CELF2: variants seen among roughly 807,000 people sequenced by gnomAD.
The protein encoded by CELF2 is CUG triplet repeat RNA-binding protein 2.
In CELF2, 8 loss-of-function variants were observed where a neutral mutation model predicts 62.6. The ratio of observed to expected loss-of-function variants is 0.13; its 90% CI spans 0.07 to 0.23. The LOEUF (loss-of-function observed/expected upper bound fraction) is 0.23. CELF2 is among the 10% of genes least tolerant of loss of function. The probability of loss-of-function intolerance (pLI) is 1.00; values close to 1 mark genes in which losing one functional copy is unlikely to be tolerated. For synonymous variants in CELF2, 258 were observed against 250.0 expected (o/e 1.03, Z -0.30); for missense variants, 333 against 671.0 (o/e 0.50, Z 5.56).
the CELF2 span, among the ~76,000 whole-genome samples, chr10:10,723,112 AT>A: frequency 6.6e-6 from 1 of 152,140 alleles, no homozygotes; most frequent in Non-Finnish European, 1.5e-5. Context: ...AGGAACAAGG[AT>A]TTTTGAACCA....
At chr10:10,545,925 A>G in the CELF2 span, among the ~76,000 whole-genome samples, 1 of 152,284 alleles carries the variant, frequency 6.6e-6, no homozygotes, top group South Asian at 2.1e-4. Flanking sequence ...TAAAAGCACC[A>G]AGACACGTGG....
chr10:11,215,728 G>GT (rs1156583684), intron 2 of CELF2, among the ~76,000 whole-genome samples: 2 of 152,166 alleles, frequency 1.3e-5, no homozygotes, highest in African/African-American at 4.8e-5. Context: ...TGCTAGAAGC[G>GT]TTTAGTAAGG....
At chr10:10,860,280 G>C (rs1342063992) in intron 1 of CELF2, among the ~76,000 whole-genome samples, 2 of 152,144 alleles carry the variant, frequency 1.3e-5, no homozygotes, top group Non-Finnish European at 2.9e-5. Flanking sequence ...TAAAAATGGT[G>C]AATAATGTAA....
At chr10:10,689,439 T>C in the CELF2 span, among the ~76,000 whole-genome samples, 6 of 152,244 alleles carry the variant, frequency 3.9e-5, no homozygotes, top group Admixed American at 2.6e-4. Context: ...CAACATGATA[T>C]TTGGGTGGGG....
chr10:11,020,263 G>A (rs1048147218), intron 1 of CELF2, among the ~76,000 whole-genome samples: 2 of 152,136 alleles, frequency 1.3e-5, no homozygotes, highest in African/African-American at 4.8e-5. Context: ...GTCAGCTGTT[G>A]CTTAATTGAA....
At chr10:10,759,596 A>G in the CELF2 span, among the ~76,000 whole-genome samples, 1 of 151,946 alleles carries the variant, frequency 6.6e-6, no homozygotes, top group Non-Finnish European at 1.5e-5. Context: ...GGTGTGAACT[A>G]CCACGTCTGA....
chr10:11,126,025 T>A (rs1376532656), intron 1 of CELF2, among the ~76,000 whole-genome samples: 1 of 152,210 alleles, frequency 6.6e-6, no homozygotes, highest in Non-Finnish European at 1.5e-5. Context: ...AAGGTCTTTC[T>A]GTTCACTTGA....
intron 2 of CELF2, among the ~76,000 whole-genome samples, chr10:10,998,990 C>T (rs1461866392): frequency 6.6e-6 from 1 of 152,132 alleles, no homozygotes; most frequent in African/African-American, 2.4e-5. Flanking sequence ...ATTTTATTTT[C>T]AACGTACCCA....
the CELF2 span, among the ~76,000 whole-genome samples, chr10:10,580,077 GA>G: frequency 6.6e-6 from 1 of 152,068 alleles, no homozygotes; most frequent in African/African-American, 2.4e-5. Context: ...ATGATGCAAG[GA>G]AAATGTATTT....
At chr10:11,136,930 C>A (rs533510320) in intron 1 of CELF2, among the ~76,000 whole-genome samples, 1 of 152,268 alleles carries the variant, frequency 6.6e-6, no homozygotes, top group African/African-American at 2.4e-5. Flanking sequence ...TTAATATTAT[C>A]CAACCATAAA....
the CELF2 span, among the ~76,000 whole-genome samples, chr10:10,562,829 CG>C: frequency 4.6e-5 from 7 of 151,914 alleles, no homozygotes; most frequent in East Asian, 1.9e-4. Context: ...CCTCCACAGC[CG>C]TATGCTCCGT....
At chr10:10,904,072 C>T (rs192118597) in intron 1 of CELF2, among the ~76,000 whole-genome samples, 9 of 152,298 alleles carry the variant, frequency 5.9e-5, no homozygotes, top group African/African-American at 1.9e-4. Flanking sequence ...CTTCCAGGAC[C>T]GTTGCCATCC....
intron 1 of CELF2, among the ~76,000 whole-genome samples, chr10:10,894,265 G>C (rs1486654226): frequency 6.6e-6 from 1 of 152,168 alleles, no homozygotes; most frequent in Non-Finnish European, 1.5e-5. Context: ...GGATTATAAA[G>C]AGCCAAATAG....
intron 1 of CELF2, among the ~76,000 whole-genome samples, chr10:10,878,601 T>C (rs1363793816): frequency 1.3e-5 from 2 of 152,108 alleles, no homozygotes; most frequent in Non-Finnish European, 2.9e-5. Flanking sequence ...ACAAATACCC[T>C]CCACTTCAGC....
At chr10:11,235,752 T>C (rs746013807) in intron 3 of CELF2, among the ~76,000 whole-genome samples, 1 of 149,590 alleles carries the variant, frequency 6.7e-6, no homozygotes, top group Non-Finnish European at 1.5e-5. Flanking sequence ...TAATAAGAAA[T>C]AGCCCTTAAG....
At chr10:11,266,556 GT>G in intron 5 of CELF2, 41 bp from the exon 6 acceptor site, 1 of 1,552,862 alleles carries the variant, frequency 6.4e-7, no homozygotes, top group Non-Finnish European at 8.9e-7. Flanking sequence ...TTGTCTTGTT[GT>G]TTTTTGTCTT....
At chr10:10,487,574 C>T in the CELF2 span, among the ~76,000 whole-genome samples, 1 of 152,044 alleles carries the variant, frequency 6.6e-6, no homozygotes, top group Non-Finnish European at 1.5e-5. Context: ...ATTACAATAT[C>T]GCCTGTGAAA....
At chr10:11,134,815 C>T (rs2060174733) in intron 1 of CELF2, among the ~76,000 whole-genome samples, 1 of 152,168 alleles carries the variant, frequency 6.6e-6, no homozygotes, top group Non-Finnish European at 1.5e-5. Context: ...GTTAGAGTTC[C>T]TCCTGATAGG....
At chr10:10,925,192 T>G (rs535860413) in intron 2 of CELF2, 1 of 152,226 alleles carries the variant, frequency 6.6e-6, no homozygotes, top group Admixed American at 6.5e-5. Context: ...TGAAAGACTT[T>G]CGAAAATTAA....
Sources: gnomAD v4.1 joint callset for allele counts (sites outside exome capture counted in the v4.1 genomes callset) on GRCh38, gnomAD v4.1.1 for gene constraint, MANE v1.5 for transcripts, NCBI Gene and HGNC (gene_info 2026-07-23, HGNC 2026-07-21) for gene names.